GGT1: variants seen among roughly 807,000 people sequenced by gnomAD.
GGT1 encodes the protein glutathione hydrolase 1 proenzyme.
In GGT1, 21 loss-of-function variants were observed where a neutral mutation model predicts 56.0. The ratio of observed to expected loss-of-function variants is 0.38; its 90% confidence interval spans 0.27 to 0.54. The LOEUF is 0.54. Ranked by LOEUF, GGT1 falls within the 20% of genes least tolerant of loss-of-function variation. The pLI is 0.82. For synonymous variants in GGT1, 238 were observed against 342.6 expected, an observed-to-expected ratio of 0.69 and a Z score of 3.37; for missense variants, 466 against 787.0, an observed-to-expected ratio of 0.59 and a Z score of 4.88.
At chr22:24,617,457 G>C (rs2047144667) in intron 7 of GGT1, among the ~76,000 whole-genome samples, 1 of 152,124 alleles carries the variant, frequency 6.6e-6, no homozygotes, top group Admixed American at 6.6e-5. Flanking sequence ...GGAGCATGTG[G>C]GGACCTGTCT....
chr22:24,611,600 A>AT (rs1555899495), intron 5 of GGT1, among the ~76,000 whole-genome samples: 4 of 146,006 alleles, frequency 2.7e-5, no homozygotes, highest in Non-Finnish European at 4.5e-5. Flanking sequence ...CTATCTATCT[A>AT]CTATCTATCT....
At chr22:24,614,727 C>G (rs1383611016) in intron 5 of GGT1, 49 bp from the exon 6 acceptor site, 1 of 1,594,964 alleles carries the variant, frequency 6.3e-7, no homozygotes, top group Admixed American at 1.7e-5. Flanking sequence ...GTATGCGGGG[C>G]CAGGGTGGAA....
chr22:24,609,101 CG>C (rs2046501776), intron 2 of GGT1: 1 of 152,152 alleles, frequency 6.6e-6, no homozygotes, highest in South Asian at 2.1e-4. Flanking sequence ...CCCGGGGTGT[CG>C]GAGTGGCAAG....
At chr22:24,590,263 G>A (rs539014868), upstream of GGT1, among the ~76,000 whole-genome samples, 1 of 152,216 alleles carries the variant, frequency 6.6e-6, no homozygotes, top group East Asian at 1.9e-4. Flanking sequence ...GAGGAGCTGG[G>A]GCTATAGACA....
the GGT1 span, chr22:24,589,151 C>T: frequency 1.7e-5 from 19 of 1,141,698 alleles, no homozygotes; most frequent in Non-Finnish European, 2.0e-5. Flanking sequence ...TGGTTGGGGA[C>T]TCACTGTGAC....
intron 1 of GGT1, among the ~76,000 whole-genome samples, chr22:24,607,271 C>T (rs561459596): frequency 1.1e-3 from 173 of 151,980 alleles, no homozygotes; most frequent in African/African-American, 4.0e-3. Context: ...TTGACAGCAG[C>T]GTGTGGTGAG....
the GGT1 span, among the ~76,000 whole-genome samples, chr22:24,585,214 T>C: frequency 6.6e-6 from 1 of 152,140 alleles, no homozygotes; most frequent in African/African-American, 2.4e-5. Context: ...TCCTCTCACT[T>C]AGTCGGCTGT....
upstream of GGT1, chr22:24,589,953 T>C (rs764610760): frequency 6.3e-7 from 1 of 1,587,442 alleles, no homozygotes; most frequent in East Asian, 2.3e-5. Flanking sequence ...CCAGGTCCTG[T>C]GAGTGGTGAA....
rs200422377 is a variant in GGT1 at position 24,628,779 on chromosome 22, G to A, written c.1650G>A (p.Thr550=). 3.0e-5 allele frequency: 48 copies of A among 1,609,258 alleles called. No individual in the cohort carries two copies. The highest frequency in any genetic ancestry group is 1.4e-5 in the Non-Finnish European group (16 of 1,178,456). The change falls in exon 16 of 16, where the codon ACG becomes ACA. Residue 550 remains threonine, a synonymous_variant. Coordinates refer to ENST00000400382, the MANE Select transcript of GGT1 (RefSeq NM_001288833.2). The surrounding 1 kb of genome is among the most constrained non-coding windows in gnomAD (Gnocchi z 5.7). ...CTGTGGTGCAAGCCATCGTCCGCAC[G>A]GCTGGTGGCTGGGCAGCTGCCTCGG... ...FIAVVQAIVR[T]AGGWAAASDS... is the part of the protein sequence containing the mutation.
chr22:24,618,483 C>T (rs563971706), intron 7 of GGT1, among the ~76,000 whole-genome samples: 30 of 152,212 alleles, frequency 2.0e-4, no homozygotes, highest in Admixed American at 1.1e-3. Context: ...ACCAGCTACT[C>T]GGGAGGCTGA....
upstream of GGT1, chr22:24,592,666 G>A (rs1338624770): frequency 1.1e-5 from 10 of 937,948 alleles, no homozygotes; most frequent in East Asian, 3.6e-5. Flanking sequence ...CCAGGCGGTC[G>A]CCCTCTCGCC....
chr22:24,587,936 C>T, the GGT1 span, among the ~76,000 whole-genome samples: 1 of 152,094 alleles, frequency 6.6e-6, no homozygotes. Context: ...GTGTCCAGGC[C>T]GTGTAACAGA....
intron 1 of GGT1, among the ~76,000 whole-genome samples, chr22:24,605,843 T>A (rs2046206879): frequency 1.3e-5 from 1 of 74,908 alleles, no homozygotes; most frequent in African/African-American, 6.6e-5. Context: ...GTATTATATA[T>A]TATATAATAT....
chr22:24,586,384 CAG>C, the GGT1 span: 6 of 1,613,284 alleles, frequency 3.7e-6, no homozygotes, highest in South Asian at 3.3e-5. Flanking sequence ...CCCCTGCCAG[CAG>C]AGTCTTCTGG....
intron 5 of GGT1, among the ~76,000 whole-genome samples, chr22:24,611,546 CTAT>C (rs2046673140): frequency 3.9e-5 from 1 of 25,584 alleles, no homozygotes; most frequent in Non-Finnish European, 1.0e-4. Context: ...TATCTATCAT[CTAT>C]CTATCTATCT....
At chr22:24,616,186 A>G (rs1033207181) in intron 7 of GGT1, among the ~76,000 whole-genome samples, 5 of 151,900 alleles carry the variant, frequency 3.3e-5, no homozygotes, top group African/African-American at 1.2e-4. Flanking sequence ...AGGCTGAGGC[A>G]GATGGATCAC....
upstream of GGT1, among the ~76,000 whole-genome samples, chr22:24,598,598 G>C (rs1222766255): frequency 6.6e-6 from 1 of 152,182 alleles, no homozygotes. Context: ...TTGTTGCCCA[G>C]GCTGGAGTAC....
chr22:24,600,090 T>C (rs893736228), upstream of GGT1, among the ~76,000 whole-genome samples: 2 of 152,020 alleles, frequency 1.3e-5, no homozygotes, highest in African/African-American at 4.8e-5. Flanking sequence ...ATACTACCTG[T>C]GGAGGGTGCC....
At chr22:24,602,249 C>G (rs1365192182), upstream of GGT1, among the ~76,000 whole-genome samples, 1 of 152,182 alleles carries the variant, frequency 6.6e-6, no homozygotes, top group Non-Finnish European at 1.5e-5. Flanking sequence ...AATCCCAGCT[C>G]GGGCTGGATT....
Sources: allele counts gnomAD v4.1 joint callset (sites outside exome capture counted in the v4.1 genomes callset), GRCh38; gene constraint gnomAD v4.1.1; non-coding constraint Gnocchi (gnomAD v3.1); transcripts MANE v1.5; gene names NCBI Gene and HGNC (gene_info 2026-07-23, HGNC 2026-07-21).